The following PARD3 variants were observed in gnomAD, a reference collection of about 807,000 sequenced individuals.
The protein encoded by PARD3 is par-3 family cell polarity regulator, also known as partitioning defective 3 homolog.
PARD3 carries 75 observed loss-of-function variants against 155.4 expected under a neutral mutation model. The observed-to-expected ratio is 0.48, with a 90% confidence interval of 0.40 to 0.58. The LOEUF (loss-of-function observed/expected upper bound fraction) is 0.58, where lower values mean the gene tolerates loss of function less well. Among genes scored for constraint, PARD3 ranks in the 20% least tolerant of loss-of-function variants. The probability of loss-of-function intolerance (pLI) is 0.00; values close to 1 mark genes in which losing one functional copy is unlikely to be tolerated. For missense variants in PARD3, 1,642 were observed against 1,721.7 expected (o/e 0.95, Z 0.82); for synonymous variants, 576 against 610.5 (o/e 0.94, Z 0.83).
chr10:34,568,322 G>A (rs1206365637), intron 2 of PARD3, among the ~76,000 whole-genome samples: 1 of 152,174 alleles, frequency 6.6e-6, no homozygotes, highest in African/African-American at 2.4e-5. Flanking sequence ...GTCATACGGT[G>A]ATGTTTCCAT....
chr10:34,209,171 T>C (rs575411958), intron 22 of PARD3, among the ~76,000 whole-genome samples: 6 of 152,308 alleles, frequency 3.9e-5, no homozygotes, highest in Non-Finnish European at 2.9e-5. Flanking sequence ...TTCCTTTAAT[T>C]CTATTTCTTG....
intron 1 of PARD3, among the ~76,000 whole-genome samples, chr10:34,756,495 AAAAG>A (rs1265753196): frequency 6.7e-6 from 1 of 149,662 alleles, no homozygotes; most frequent in African/African-American, 2.5e-5. Context: ...AAAAAAAAAA[AAAAG>A]AGTCAGCTCT....
intron 1 of PARD3, among the ~76,000 whole-genome samples, chr10:34,738,905 T>C (rs1242006614): frequency 1.3e-5 from 2 of 152,204 alleles, no homozygotes; most frequent in Non-Finnish European, 2.9e-5. Flanking sequence ...TTAGAGCACA[T>C]TGTAGCATAA....
At chr10:34,812,789 C>A (rs1844357309) in intron 1 of PARD3, among the ~76,000 whole-genome samples, 1 of 152,012 alleles carries the variant, frequency 6.6e-6, no homozygotes, top group South Asian at 2.1e-4. Context: ...GTCACTATCA[C>A]CCTCCCTTCC....
chr10:34,256,402 C>T (rs577376237), intron 22 of PARD3, among the ~76,000 whole-genome samples: 4 of 152,318 alleles, frequency 2.6e-5, no homozygotes, highest in South Asian at 2.1e-4. Context: ...TTACCACAGC[C>T]GGAGCAGGGC....
At chr10:34,692,902 G>A (rs999957587) in intron 2 of PARD3, among the ~76,000 whole-genome samples, 1 of 152,090 alleles carries the variant, frequency 6.6e-6, no homozygotes, top group Non-Finnish European at 1.5e-5. Flanking sequence ...AACAAGAACA[G>A]ACGCTTTTCA....
chr10:34,457,961 G>C (rs2077424888), intron 4 of PARD3, among the ~76,000 whole-genome samples: 1 of 152,110 alleles, frequency 6.6e-6, no homozygotes, highest in Non-Finnish European at 1.5e-5. Context: ...TGGAACCATA[G>C]TTTAGGTGGC....
rs1949160469 is a variant in PARD3, at chr10:34,159,293, C to T, written c.3420-27710G>A. On this transcript the variant is annotated intron_variant, in intron 22 of 24. Coordinates refer to ENST00000374788, the MANE Select transcript of PARD3 (RefSeq NM_001184785.2). ...TTTAGCTTCTACTGCTACTCATGGGCTGTTGAGTAGCAAATGAGTTGGTGT... is the reference window on the plus strand; with the variant it reads ...TTTAGCTTCTACTGCTACTCATGGGTTGTTGAGTAGCAAATGAGTTGGTGT... Among the ~76,000 whole-genome samples, 3 of 152,138 alleles carry T rather than the reference C, an allele frequency of 2.0e-5. No individual in the cohort carries two copies. In the South Asian group the frequency reaches 6.2e-4, roughly 31 times the overall value.
At chr10:34,485,853 C>T (rs1320924547) in intron 3 of PARD3, among the ~76,000 whole-genome samples, 1 of 151,012 alleles carries the variant, frequency 6.6e-6, no homozygotes, top group Non-Finnish European at 1.5e-5. Flanking sequence ...GTCCAGCTAC[C>T]TGTCATTTTG....
chr10:34,671,869 T>TTA, intron 2 of PARD3, among the ~76,000 whole-genome samples: 1 of 152,078 alleles, frequency 6.6e-6, no homozygotes, highest in South Asian at 2.1e-4. Flanking sequence ...GATATAACTC[T>TTA]AGATTTACAT....
intron 22 of PARD3, among the ~76,000 whole-genome samples, chr10:34,234,878 G>C (rs11595978): frequency 0.13 from 20,278 of 152,154 alleles, 1,839 homozygotes; most frequent in Middle Eastern, 0.22. Flanking sequence ...AACAGAAATA[G>C]CTCTCTTTCT....
At chr10:34,339,667 CAAGT>C (rs1836588097) in intron 16 of PARD3, among the ~76,000 whole-genome samples, 1 of 152,136 alleles carries the variant, frequency 6.6e-6, no homozygotes, top group Non-Finnish European at 1.5e-5. Context: ...TATAAGTAAA[CAAGT>C]AAGTTTAGCC....
intron 3 of PARD3, among the ~76,000 whole-genome samples, chr10:34,478,625 C>G (rs1272788309): frequency 6.6e-6 from 1 of 152,070 alleles, no homozygotes; most frequent in Non-Finnish European, 1.5e-5. Flanking sequence ...CTCACTGCAA[C>G]CTCCGCCTCC....
At chr10:34,700,624 C>T (rs1306553234) in intron 1 of PARD3, among the ~76,000 whole-genome samples, 1 of 152,158 alleles carries the variant, frequency 6.6e-6, no homozygotes, top group Non-Finnish European at 1.5e-5. Flanking sequence ...TTACTACATG[C>T]AAAGCATTGC....
chr10:34,545,164 T>C (rs1202604368), intron 2 of PARD3, among the ~76,000 whole-genome samples: 1 of 152,228 alleles, frequency 6.6e-6, no homozygotes, highest in Non-Finnish European at 1.5e-5. Flanking sequence ...TTTATTTAAT[T>C]ACCTGACTCA....
chr10:34,429,844 C>T (rs1292381715), intron 5 of PARD3, among the ~76,000 whole-genome samples: 1 of 152,174 alleles, frequency 6.6e-6, no homozygotes, highest in Admixed American at 6.5e-5. Context: ...CTCGGCCTCC[C>T]AAAGTGCTGG....
chr10:34,529,336 T>C (rs2082682701), intron 2 of PARD3, among the ~76,000 whole-genome samples: 1 of 152,092 alleles, frequency 6.6e-6, no homozygotes, highest in South Asian at 2.1e-4. Flanking sequence ...GACTAAAGAA[T>C]ATAAATAAAA....
chr10:34,808,282 C>A (rs943377704), intron 1 of PARD3, among the ~76,000 whole-genome samples: 2 of 152,024 alleles, frequency 1.3e-5, no homozygotes, highest in African/African-American at 4.8e-5. Flanking sequence ...CCACTTCACT[C>A]CAGCCTGGGT....
At chr10:34,445,937 G>T (rs534824798) in intron 5 of PARD3, among the ~76,000 whole-genome samples, 1 of 152,096 alleles carries the variant, frequency 6.6e-6, no homozygotes, top group Admixed American at 6.5e-5. Context: ...AGCTCCCACC[G>T]CAGCCCCAGT....
Sources: gnomAD v4.1 joint callset for allele counts (sites outside exome capture counted in the v4.1 genomes callset) on GRCh38, gnomAD v4.1.1 for gene constraint, MANE v1.5 for transcripts, NCBI Gene and HGNC (gene_info 2026-07-23, HGNC 2026-07-21) for gene names.